The following PRKN variants were observed in gnomAD, a reference collection of about 807,000 sequenced individuals.
PRKN encodes the protein parkin RBR E3 ubiquitin protein ligase.
Under a neutral mutation model 59.5 loss-of-function variants are expected in PRKN, and 56 were observed. The ratio of observed to expected loss-of-function variants is 0.94; its 90% CI spans 0.76 to 1.18. The LOEUF (loss-of-function observed/expected upper bound fraction) is 1.18. PRKN is among the 50% of genes most tolerant of loss of function. The probability of loss-of-function intolerance (pLI) is 0.00; values close to 1 mark genes in which losing one functional copy is unlikely to be tolerated. For synonymous variants in PRKN, 250 were observed against 222.1 expected (o/e 1.13, Z -1.12); for missense variants, 657 against 596.4 (o/e 1.10, Z -1.06).
intron 9 of PRKN, among the ~76,000 whole-genome samples, chr6:161,472,432 T>C (rs1790841172): frequency 6.6e-6 from 1 of 152,118 alleles, no homozygotes; most frequent in Non-Finnish European, 1.5e-5. Flanking sequence ...CTTCAATAAA[T>C]GGTATTGGGA....
chr6:161,671,371 AC>A (rs944444287), intron 7 of PRKN, among the ~76,000 whole-genome samples: 10 of 151,642 alleles, frequency 6.6e-5, no homozygotes, highest in Non-Finnish European at 1.2e-4. Context: ...ACGGGCTCAG[AC>A]CCCCCACTGC....
chr6:161,565,932 C>T (rs1213015779), intron 8 of PRKN, among the ~76,000 whole-genome samples: 3 of 152,130 alleles, frequency 2.0e-5, no homozygotes, highest in Non-Finnish European at 4.4e-5. Flanking sequence ...GCGGAACTGG[C>T]CACTCTCTTG....
chr6:161,433,034 G>A (rs1788721957), intron 9 of PRKN, among the ~76,000 whole-genome samples: 1 of 152,064 alleles, frequency 6.6e-6, no homozygotes, highest in Non-Finnish European at 1.5e-5. Context: ...AAATACTTTT[G>A]CTTCTAATTC....
chr6:162,511,676 G>C (rs1164997116), intron 1 of PRKN, among the ~76,000 whole-genome samples: 1 of 151,970 alleles, frequency 6.6e-6, no homozygotes, highest in Non-Finnish European at 1.5e-5. Flanking sequence ...GAGAGTAAGG[G>C]ACTAGTACTC....
chr6:161,964,090 G>A (rs1333529578), intron 6 of PRKN, among the ~76,000 whole-genome samples: 1 of 152,064 alleles, frequency 6.6e-6, no homozygotes, highest in Admixed American at 6.5e-5. Context: ...GCTGTACAGA[G>A]AAAGCCAGGA....
At chr6:162,138,853 A>T (rs1289230213) in intron 4 of PRKN, among the ~76,000 whole-genome samples, 1 of 152,228 alleles carries the variant, frequency 6.6e-6, no homozygotes, top group Non-Finnish European at 1.5e-5. Context: ...TCATCTCACC[A>T]AGAAAATAGG....
chr6:161,958,883 A>G (rs1181915327), intron 6 of PRKN, among the ~76,000 whole-genome samples: 1 of 151,244 alleles, frequency 6.6e-6, no homozygotes, highest in African/African-American at 2.4e-5. Flanking sequence ...TCCATCTCAA[A>G]AAAAAAAAAA....
chr6:162,373,492 G>C (rs1452365966), intron 2 of PRKN, among the ~76,000 whole-genome samples: 3 of 152,042 alleles, frequency 2.0e-5, no homozygotes, highest in Non-Finnish European at 4.4e-5. Flanking sequence ...ACGGGTAAGG[G>C]ATTGATTTTT....
intron 3 of PRKN, among the ~76,000 whole-genome samples, chr6:162,232,910 T>C (rs1232903007): frequency 6.7e-6 from 1 of 150,240 alleles, no homozygotes; most frequent in African/African-American, 2.4e-5. Context: ...CAGAGATCAA[T>C]ATTTAAAACT....
At chr6:161,725,141 C>A (rs999396079) in intron 7 of PRKN, among the ~76,000 whole-genome samples, 1 of 152,196 alleles carries the variant, frequency 6.6e-6, no homozygotes, top group Non-Finnish European at 1.5e-5. Context: ...GCCAATGAAA[C>A]CTCTTTCCTT....
intron 2 of PRKN, among the ~76,000 whole-genome samples, chr6:162,300,974 GA>G (rs1362939695): frequency 6.6e-6 from 1 of 150,544 alleles, no homozygotes; most frequent in Non-Finnish European, 1.5e-5. Flanking sequence ...AAGAAGAATA[GA>G]TTTTTTTTTA....
intron 6 of PRKN, among the ~76,000 whole-genome samples, chr6:161,935,569 A>G (rs896339933): frequency 1.8e-4 from 27 of 151,302 alleles, no homozygotes; most frequent in Non-Finnish European, 2.8e-4. Flanking sequence ...AAAAAAAAAA[A>G]AAGAAGAAGA....
At chr6:162,245,932 A>G (rs1002400895) in intron 3 of PRKN, among the ~76,000 whole-genome samples, 7 of 152,174 alleles carry the variant, frequency 4.6e-5, no homozygotes, top group Admixed American at 4.6e-4. Flanking sequence ...TCAATTAAAA[A>G]TCATATGCCC....
chr6:162,523,123 C>A (rs373453439), intron 1 of PRKN, among the ~76,000 whole-genome samples: 1 of 152,070 alleles, frequency 6.6e-6, no homozygotes, highest in Admixed American at 6.6e-5. Context: ...AAGTTGAGTG[C>A]TTATAAAGTG....
chr6:162,578,833 C>T (rs926651240), intron 1 of PRKN, among the ~76,000 whole-genome samples: 1 of 152,088 alleles, frequency 6.6e-6, no homozygotes, highest in Admixed American at 6.6e-5. Flanking sequence ...AAAAAAATCC[C>T]ATTTAAGTCT....
Position 161,397,306 on chromosome 6 carries a change from G to A in PRKN, c.1084-10429C>T, listed in dbSNP as rs1285793151. Among the ~76,000 whole-genome samples, 1 of 152,174 alleles carries A rather than the reference G, an allele frequency of 6.6e-6. No individual in the cohort carries two copies. Among genetic ancestry groups the A allele is most frequent in the African/African-American group, 2.4e-5 (1 of 41,420 alleles). ...TTTATAAAGCATAAAAGAGCTGAAG[G>A]ACAATTGTGTACTCCATGATACAAT... On this transcript the variant is annotated intron_variant, in intron 9 of 11. Coordinates refer to ENST00000366898, the MANE Select transcript of PRKN (RefSeq NM_004562.3). The surrounding 1 kb of genome is among the most constrained non-coding windows in gnomAD (Gnocchi z 4.2).
In PRKN at chr6:161,502,373, A is replaced by G. The variant is rs57350839; in HGVS notation, c.1083+46481T>C. 0.074 allele frequency among the ~76,000 whole-genome samples: 11,253 copies of G among 152,170 alleles called. 534 individuals are homozygous for G. The highest frequency in any genetic ancestry group is 0.13 in the African/African-American group (5,347 of 41,496). On this transcript the variant is annotated intron_variant, in intron 9 of 11. Coordinates refer to ENST00000366898, the MANE Select transcript of PRKN (RefSeq NM_004562.3). The surrounding 1 kb of genome is among the most constrained non-coding windows in gnomAD (Gnocchi z 4.0). ...GCTGTGCAGAAAACCAATGACATCA[A>G]AAGGAGAGCTTCTAGAAGTAAACAT... is the stretch of plus-strand genomic sequence containing the variant.
In PRKN at chr6:161,483,095, G is replaced by C. The variant is rs1391313301; in HGVS notation, c.1083+65759C>G. 6.6e-6 allele frequency among the ~76,000 whole-genome samples: 1 copy of C among 151,652 alleles called. No homozygotes were observed. The highest frequency in any genetic ancestry group is 1.5e-5 in the Non-Finnish European group (1 of 68,002). On this transcript the variant is annotated intron_variant, in intron 9 of 11. Coordinates refer to ENST00000366898, the MANE Select transcript of PRKN (RefSeq NM_004562.3). This position sits in a 1 kb window ranked among gnomAD's most constrained non-coding sequence, Gnocchi z 5.0. ...AAAGTATGCTAGGGAGAAGATGCAA[G>C]GGACTTCTCAGCAATTTCTCTCTAT...
At chr6:161,669,023 T>C (rs1784818107) in intron 7 of PRKN, among the ~76,000 whole-genome samples, 2 of 152,178 alleles carry the variant, frequency 1.3e-5, no homozygotes, top group African/African-American at 4.8e-5. Context: ...CTTTGGGAGA[T>C]GATTAGGCCA....
Sources: gnomAD v4.1 joint callset for allele counts (sites outside exome capture counted in the v4.1 genomes callset) on GRCh38, gnomAD v4.1.1 for gene constraint, Gnocchi (gnomAD v3.1) non-coding constraint, MANE v1.5 for transcripts, NCBI Gene and HGNC (gene_info 2026-07-23, HGNC 2026-07-21) for gene names.